The following RABL6 variants were observed in gnomAD, a reference collection of about 807,000 sequenced individuals.
RABL6 encodes the protein rab-like protein 6.
RABL6 carries 28 observed loss-of-function variants against 72.9 expected under a neutral mutation model. The ratio of observed to expected loss-of-function variants is 0.38; its 90% CI spans 0.28 to 0.53. The LOEUF is 0.53. Among genes scored for constraint, RABL6 ranks in the 20% least tolerant of loss-of-function variants. The pLI is 0.80. For synonymous variants in RABL6, 477 were observed against 421.2 expected, an observed-to-expected ratio of 1.13 and a Z score of -1.62; for missense variants, 1,029 against 1,008.4, an observed-to-expected ratio of 1.02 and a Z score of -0.28.
chr9:136,811,407 C>G (rs1848009028), intron 1 of RABL6, among the ~76,000 whole-genome samples: 1 of 151,986 alleles, frequency 6.6e-6, no homozygotes, highest in South Asian at 2.1e-4. Context: ...AACCTGAGGC[C>G]AGGAGTTCAA....
Position 136,821,746 on chromosome 9 carries a change from G to T in RABL6, c.131-1779G>T. 7.0e-6 allele frequency: 8 copies of T among 1,146,618 alleles called. 1 individual carries two copies. The South Asian group carries it at 1.3e-4, about 19-fold the overall frequency. The allele number at this position is 1,146,618 out of a possible 1,614,324, so 71.0% of individuals were successfully genotyped here. On this transcript the variant is annotated intron_variant, in intron 1 of 14. Coordinates refer to ENST00000311502, the MANE Select transcript of RABL6 (RefSeq NM_024718.5). ...GGCTGCTGTGCTCTCCACAGGCCGG[G>T]CCGCCGGGCTGGAGGGCGCTGCAGG...
chr9:136,832,769 C>T, intron 7 of RABL6: 1 of 335,776 alleles, frequency 3.0e-6, no homozygotes, highest in Non-Finnish European at 5.8e-6. Flanking sequence ...TGCTGGGATG[C>T]CAGGCGTGAG....
At chr9:136,838,072 A>C in intron 10 of RABL6, 57 bp downstream of exon 10, 4 of 1,540,986 alleles carry the variant, frequency 2.6e-6, no homozygotes, top group Non-Finnish European at 3.5e-6. Flanking sequence ...AGGGTGCCCG[A>C]GCAGCAGGTG....
In RABL6 at chr9:136,840,168, AC is replaced by A; in HGVS notation, c.1950del (p.Ser651LeufsTer119). The stretch of plus-strand genomic sequence containing the variant: ...TGTCTGTGCAGGTAAGGAGGGCAAA[AC>A]CCCCTCTAAGGAGAAGAAGAAGAAG... ...ESSEEGKEGK[T>X]PSKEKKKKKK... On this transcript the variant is annotated frameshift_variant, in exon 14 of 15. Coordinates refer to ENST00000311502, the MANE Select transcript of RABL6 (RefSeq NM_024718.5). LOFTEE classifies it low-confidence loss of function (END_TRUNC). 1.2e-6 allele frequency: 2 copies of A among 1,612,382 alleles called. No individual in the cohort carries two copies. The highest frequency in any genetic ancestry group is 1.7e-6 in the Non-Finnish European group (2 of 1,179,716).
At chr9:136,815,383 C>T (rs1218577283) in intron 1 of RABL6, 1 of 280,338 alleles carries the variant, frequency 3.6e-6, no homozygotes, top group East Asian at 1.0e-4. Context: ...GCCTTCTTGC[C>T]TTTCTCCTGA....
In RABL6 at chr9:136,838,897, C is replaced by G. The variant is rs780647199; in HGVS notation, c.1281-12C>G. On this transcript the variant is annotated splice_polypyrimidine_tract_variant and intron_variant, in intron 10 of 14. Coordinates refer to ENST00000311502, the MANE Select transcript of RABL6 (RefSeq NM_024718.5). ...CCCGTGGCCCTTGACCGCTTTGCCCCCTGCTTTGCAGTGATGGGGAGGCCC... is the reference window on the plus strand; with the variant it reads ...CCCGTGGCCCTTGACCGCTTTGCCCGCTGCTTTGCAGTGATGGGGAGGCCC... 1.9e-6 allele frequency: 3 copies of G among 1,559,972 alleles called. No homozygotes were observed. The highest frequency in any genetic ancestry group is 2.6e-6 in the Non-Finnish European group (3 of 1,151,232).
At position 136,840,618 on chromosome 9, in the gene RABL6, G is replaced by T. The variant is rs532754447; in HGVS notation, c.*96G>T. The T allele has an allele frequency of 2.6e-6, 4 of 1,549,636 alleles. No homozygotes were observed. The highest frequency in any genetic ancestry group is 3.5e-6 in the Non-Finnish European group (4 of 1,146,852). On this transcript the variant is annotated 3_prime_UTR_variant, in exon 15 of 15. Transcript: ENST00000311502. The stretch of plus-strand genomic sequence containing the variant: ...GTACCATCGCCTTTGCCGCTGCCCC[G>T]TGGCTGCCGTGTGCGCTTCTGAGCT...
rs573320806 is a variant in RABL6, at chr9:136,836,926, C to T, written c.810-420C>T. ...TCTCGCTCTGTCGCCCAGGCTGGAG[C>T]GCAGTGGTGTGATCTCGGCTCACCG... On this transcript the variant is annotated intron_variant, in intron 8 of 14. Transcript: ENST00000311502. The T allele has an allele frequency of 3.7e-5, 13 of 347,914 alleles. 1 individual carries two copies. Among genetic ancestry groups the T allele is most frequent in the East Asian group, 7.9e-5 (1 of 12,676 alleles). The allele number at this position is 347,914 out of a possible 1,614,324, so 21.6% of individuals were successfully genotyped here.
At chr9:136,836,255 C>T (rs188548204) in intron 8 of RABL6, 1 of 177,826 alleles carries the variant, frequency 5.6e-6, no homozygotes, top group Non-Finnish European at 1.2e-5. Context: ...ACATGGAGGT[C>T]TCTGGTCCTC....
In RABL6 at chr9:136,808,269, C is replaced by G; in HGVS notation, c.73C>G (p.Leu25Val). The G allele has an allele frequency of 1.3e-6, 2 of 1,566,818 alleles. No homozygotes were observed. The highest frequency in any genetic ancestry group is 1.4e-5 in the African/African-American group (1 of 70,934). The change falls in exon 1 of 15, where the codon CTG (leucine) becomes GTG (valine). Residue 25 changes from leucine (L) to valine (V), a missense_variant. Physicochemically the swap from Leu to Val is conservative, Grantham distance 32 (BLOSUM62 1). Around this residue, in one of 2 missense-constraint regions of RABL6, gnomAD observed 434 missense variants for 536.1 expected, o/e 0.81. Coordinates refer to ENST00000311502, the MANE Select transcript of RABL6 (RefSeq NM_024718.5). ...CCGGGACAAGAACATCCCCGCCGGG[C>G]TGCAGTCCATGAACCAGGCGTTGCA... ...PGRDKNIPAGLQSMNQALQRR... is the reference protein window; with the variant it reads ...PGRDKNIPAGVQSMNQALQRR...
chr9:136,829,330 T>C, intron 4 of RABL6, 63 bp from the exon 5 acceptor site: 1 of 1,261,646 alleles, frequency 7.9e-7, no homozygotes, highest in East Asian at 2.5e-5. Context: ...TTTCTAAAAC[T>C]GTGGGCCACA....
chr9:136,811,009 C>T (rs1056431106), intron 1 of RABL6, among the ~76,000 whole-genome samples: 1 of 152,162 alleles, frequency 6.6e-6, no homozygotes, highest in Non-Finnish European at 1.5e-5. Flanking sequence ...CTAGTGGTCC[C>T]GGTAGACGTG....
Position 136,840,741 on chromosome 9 carries a change from C to T in RABL6, c.*219C>T. On this transcript the variant is annotated 3_prime_UTR_variant, in exon 15 of 15. Transcript: ENST00000311502. ...TGCTCTGCAAGAAGGGAGGGGACAG[C>T]TGGCTTCAGCCAGGCTCGGTGGACA... The T allele has an allele frequency of 1.3e-6, 2 of 1,548,430 alleles. No individual in the cohort carries two copies. Among genetic ancestry groups the T allele is most frequent in the African/African-American group, 2.7e-5 (2 of 73,114 alleles).
Position 136,838,914 on chromosome 9 carries a change from G to A in RABL6, c.1286G>A (p.Gly429Glu). ...CTTTGCCCCCTGCTTTGCAGTGATG[G>A]GGAGGCCCTGGGCGGCAACCCGATG... is the stretch of plus-strand genomic sequence containing the variant. ...KAAQQDSDSD[G>E]EALGGNPMVA... The change falls in exon 11 of 15, where the codon GGG becomes GAG. Residue 429 changes from glycine to glutamate, a missense_variant. Physicochemically the swap from Gly to Glu is moderately conservative, Grantham distance 98. Transcript: ENST00000311502. The A allele has an allele frequency of 6.3e-7, 1 of 1,589,048 alleles. No individual in the cohort carries two copies. The highest frequency in any genetic ancestry group is 8.6e-7 in the Non-Finnish European group (1 of 1,167,044).
At chr9:136,821,610 G>T in intron 1 of RABL6, 1 of 987,464 alleles carries the variant, frequency 1.0e-6, no homozygotes, top group Non-Finnish European at 1.2e-6. Flanking sequence ...CCGCGCCCGG[G>T]TTCCTGCCTC....
rs566272726 is a variant in RABL6 at position 136,808,043 on chromosome 9, G to T, written c.-154G>T. On this transcript the variant is annotated 5_prime_UTR_variant, in exon 1 of 15. Coordinates refer to ENST00000311502, the MANE Select transcript of RABL6 (RefSeq NM_024718.5). ...CTGAGGTTCCCGAGTCGCCGCTCGG[G>T]GCTGCGCTCCGCCGCCGGGACCCCG... 9.3e-7 allele frequency: 1 copy of T among 1,080,324 alleles called. No individual in the cohort carries two copies. The highest frequency in any genetic ancestry group is 5.3e-5 in the Admixed American group (1 of 18,716). 66.9% of individuals were successfully genotyped at this position (1,080,324 alleles called of 1,614,324 possible). A position where few individuals can be genotyped will look rare whatever the true frequency, so the allele number is the denominator to read the frequency against.
At chr9:136,813,249 C>A in intron 1 of RABL6, 1 of 550,786 alleles carries the variant, frequency 1.8e-6, no homozygotes, top group South Asian at 1.7e-5. Context: ...TTTAAAGCTG[C>A]TTTATCATCT....
In RABL6 at chr9:136,840,730, G is replaced by A; in HGVS notation, c.*208G>A. ...CAGTGTGAGCCTGCTCTGCAAGAAG[G>A]GAGGGGACAGCTGGCTTCAGCCAGG... is the stretch of plus-strand genomic sequence containing the variant. On this transcript the variant is annotated 3_prime_UTR_variant, in exon 15 of 15. Coordinates refer to ENST00000311502, the MANE Select transcript of RABL6 (RefSeq NM_024718.5). The A allele has an allele frequency of 6.5e-7, 1 of 1,548,534 alleles. No homozygotes were observed. The highest frequency in any genetic ancestry group is 8.7e-7 in the Non-Finnish European group (1 of 1,146,826).
Position 136,838,118 on chromosome 9 carries a change from G to C in RABL6, c.1280+103G>C. 5.0e-6 allele frequency: 7 copies of C among 1,391,774 alleles called. No homozygotes were observed. The South Asian group carries it at 6.8e-5, about 14-fold the overall frequency. The allele number at this position is 1,391,774 out of a possible 1,614,324, so 86.2% of individuals were successfully genotyped here. ...TCTAGGGGCGCAGAAGGGGCCCCCC[G>C]CCGGCTGGTCACTGTTGGCTGAGGA... On this transcript the variant is annotated intron_variant, in intron 10 of 14. Transcript: ENST00000311502.
Sources: allele counts gnomAD v4.1 joint callset (sites outside exome capture counted in the v4.1 genomes callset), GRCh38; gene constraint gnomAD v4.1.1; regional missense constraint gnomAD v4.1.1; transcripts MANE v1.5; gene names NCBI Gene and HGNC (gene_info 2026-07-23, HGNC 2026-07-21).